ZC3H12D: variants seen among roughly 807,000 people sequenced by gnomAD.
ZC3H12D encodes the protein zinc finger CCCH-type containing 12D.
ZC3H12D carries 11 observed loss-of-function variants against 24.2 expected under a neutral mutation model. The observed-to-expected ratio is 0.46, with a 90% CI of 0.29 to 0.75. The LOEUF is 0.75. Ranked by LOEUF, ZC3H12D falls within the 30% of genes least tolerant of loss-of-function variation. The pLI is 0.11. For missense variants in ZC3H12D, 740 were observed against 767.7 expected (o/e 0.96, Z 0.43); for synonymous variants, 333 against 341.8 (o/e 0.97, Z 0.28).
rs1394828051 is a variant in ZC3H12D, at chr6:149,474,235, C to T, written c.305+4G>A. 6.8e-7 allele frequency: 1 copy of T among 1,474,260 alleles called. No individual in the cohort carries two copies. The highest frequency in any genetic ancestry group is 9.1e-7 in the Non-Finnish European group (1 of 1,103,136). The allele number at this position is 1,474,260 out of a possible 1,614,324, so 91.3% of individuals were successfully genotyped here. The stretch of plus-strand genomic sequence containing the variant: ...GCCCCAGCTACAGGATGAAGGGAAG[C>T]TACCTCATCGCCACGTTGCTGCCAT... On this transcript the variant is annotated splice_donor_region_variant and intron_variant, in intron 2 of 5. Coordinates refer to ENST00000409806, the MANE Select transcript of ZC3H12D (RefSeq NM_207360.3).
Position 149,449,925 on chromosome 6 carries a change from C to CTCTGTGTG in ZC3H12D, c.*757_*758insCACACAGA, listed in dbSNP as rs1554268600. 6.9e-6 allele frequency: 1 copy of CTCTGTGTG among 143,990 alleles called. No individual in the cohort carries two copies. The highest frequency in any genetic ancestry group is 2.6e-5 in the African/African-American group (1 of 38,244). 8.9% of individuals were successfully genotyped at this position (143,990 alleles called of 1,614,324 possible). A position where few individuals can be genotyped will look rare whatever the true frequency, so the allele number is the denominator to read the frequency against. ...TGTGAGTATGTACATGTATGATAGA[C>CTCTGTGTG]TGTGTGTGTGTGTGTGTGTGTGTGT... On this transcript the variant is annotated 3_prime_UTR_variant, in exon 6 of 6. Coordinates refer to ENST00000409806, the MANE Select transcript of ZC3H12D (RefSeq NM_207360.3).
intron 2 of ZC3H12D, among the ~76,000 whole-genome samples, chr6:149,467,904 C>T (rs1776185471): frequency 6.6e-6 from 1 of 152,218 alleles, no homozygotes; most frequent in Non-Finnish European, 1.5e-5. Flanking sequence ...TTAACCAACA[C>T]TGTGAACCAG....
intron 1 of ZC3H12D, among the ~76,000 whole-genome samples, chr6:149,480,630 G>A (rs1471604879): frequency 6.6e-6 from 1 of 152,234 alleles, no homozygotes; most frequent in Non-Finnish European, 1.5e-5. Flanking sequence ...CAGCTACTCA[G>A]GAGACTGAGG....
Position 149,450,805 on chromosome 6 carries a change from C to A in ZC3H12D, c.1462G>T (p.Val488Phe), listed in dbSNP as rs1171428359. Residue 488 changes from valine (V) to phenylalanine (F), a missense_variant, in exon 6 of 6, where the codon GTC becomes TTC. Val to Phe is a conservative substitution (Grantham distance 50, BLOSUM62 -1). Coordinates refer to ENST00000409806, the MANE Select transcript of ZC3H12D (RefSeq NM_207360.3). Reference protein sequence around the residue: ...RARARIALYSVFPRDQVDRVM... With the variant: ...RARARIALYSFFPRDQVDRVM... ...CGGTCCACCTGGTCACGCGGGAAGA[C>A]GCTGTAGAGCGCGATGCGAGCCCGG... is the stretch of plus-strand genomic sequence containing the variant. 3.2e-6 allele frequency: 5 copies of A among 1,548,422 alleles called. No homozygotes were observed. The Admixed American group carries it at 9.8e-5, about 30-fold the overall frequency.
At chr6:149,451,582 T>C (rs1380139401) in intron 5 of ZC3H12D, 103 bp from the exon 6 acceptor site, 4 of 1,043,138 alleles carry the variant, frequency 3.8e-6, no homozygotes, top group Admixed American at 3.4e-5. Flanking sequence ...GGCCTCTCCG[T>C]GGAGATTCCT....
At chr6:149,466,311 C>T (rs1330193931) in intron 2 of ZC3H12D, among the ~76,000 whole-genome samples, 1 of 151,382 alleles carries the variant, frequency 6.6e-6, no homozygotes, top group Admixed American at 6.6e-5. Flanking sequence ...AACCACAGAG[C>T]CTGAGTCGCC....
rs951264888 is a variant in ZC3H12D at position 149,447,796 on chromosome 6, T to G, written c.*2887A>C. ...AATGTGCTGTGTTTTCACTTTTTTT[T>G]TTGTACTTGTCTTATTCACAGTGAA... On this transcript the variant is annotated 3_prime_UTR_variant, in exon 6 of 6. Coordinates refer to ENST00000409806, the MANE Select transcript of ZC3H12D (RefSeq NM_207360.3). The G allele has an allele frequency of 6.6e-6, 1 of 152,252 alleles. No individual in the cohort carries two copies. The highest frequency in any genetic ancestry group is 2.4e-5 in the African/African-American group (1 of 41,460). 9.4% of individuals were successfully genotyped at this position (152,252 alleles called of 1,614,324 possible).
chr6:149,456,606 C>T lies in ZC3H12D; in HGVS notation c.680+60G>A. The T allele has an allele frequency of 7.1e-7, 1 of 1,405,940 alleles. No homozygotes were observed. 87.1% of individuals were successfully genotyped at this position (1,405,940 alleles called of 1,614,324 possible). On this transcript the variant is annotated intron_variant, in intron 4 of 5. Coordinates refer to ENST00000409806, the MANE Select transcript of ZC3H12D (RefSeq NM_207360.3). The surrounding 1 kb of genome is among the most constrained non-coding windows in gnomAD (Gnocchi z 4.3). ...ACCTGGTAGCAGGCGTGGCCACTGC[C>T]TCGACCCCGGCCCCCCGCCCCGCCG... is the stretch of plus-strand genomic sequence containing the variant.
intron 3 of ZC3H12D, among the ~76,000 whole-genome samples, chr6:149,458,113 T>TG (rs1776014022): frequency 8.2e-6 from 1 of 122,414 alleles, no homozygotes; most frequent in African/African-American, 4.5e-5. Flanking sequence ...TTCTTTTTCT[T>TG]TTTTTTTTTC....
intron 3 of ZC3H12D, among the ~76,000 whole-genome samples, chr6:149,457,292 G>A (rs1775999570): frequency 6.6e-6 from 1 of 152,192 alleles, no homozygotes; most frequent in Admixed American, 6.5e-5. Context: ...GTATTAACCC[G>A]GACCTTGATG....
At position 149,451,493 on chromosome 6, in the gene ZC3H12D, G is replaced by T; in HGVS notation, c.788-14C>A. Reference sequence around the variant, plus strand: ...TGCATTTCTTGCCTGAAAGGGGCGGGGGCAGAGAGGGCGCGACGTGAGGCC... The same window carrying T: ...TGCATTTCTTGCCTGAAAGGGGCGGTGGCAGAGAGGGCGCGACGTGAGGCC... On this transcript the variant is annotated splice_polypyrimidine_tract_variant and intron_variant, in intron 5 of 5. Coordinates refer to ENST00000409806, the MANE Select transcript of ZC3H12D (RefSeq NM_207360.3). The T allele has an allele frequency of 6.4e-7, 1 of 1,555,440 alleles. No individual in the cohort carries two copies.
intron 3 of ZC3H12D, among the ~76,000 whole-genome samples, chr6:149,460,106 C>A (rs1776048123): frequency 6.6e-6 from 1 of 152,190 alleles, no homozygotes; most frequent in Non-Finnish European, 1.5e-5. Flanking sequence ...GTGTAAAAGT[C>A]TAGCACGTAC....
chr6:149,457,019 G>A (rs1729314462), intron 3 of ZC3H12D, 119 bp from the exon 4 acceptor site: 2 of 947,448 alleles, frequency 2.1e-6, no homozygotes, highest in Non-Finnish European at 1.5e-6. Flanking sequence ...AGGGGAGCGG[G>A]GAAAAAACAC....
intron 2 of ZC3H12D, among the ~76,000 whole-genome samples, chr6:149,470,726 T>A (rs1583190469): frequency 6.6e-6 from 1 of 152,300 alleles, no homozygotes; most frequent in East Asian, 1.9e-4. Flanking sequence ...GGGACAGCTG[T>A]ACAGTCCAAT....
chr6:149,482,240 C>T lies in ZC3H12D; in HGVS notation c.-71+2573G>A, dbSNP rs116391075. On this transcript the variant is annotated intron_variant, in intron 1 of 5. Coordinates refer to ENST00000409806, the MANE Select transcript of ZC3H12D (RefSeq NM_207360.3). ...TTAAAACTTCTAAATACGGAAGAAG[C>T]GGGGACAGGAGTGGGGTGCTGCTCT... 3.4e-3 allele frequency among the ~76,000 whole-genome samples: 522 copies of T among 152,340 alleles called. 3 individuals are homozygous for T. The highest frequency in any genetic ancestry group is 0.012 in the African/African-American group (486 of 41,582).
chr6:149,480,238 G>T (rs981622330), intron 1 of ZC3H12D, among the ~76,000 whole-genome samples: 1 of 152,198 alleles, frequency 6.6e-6, no homozygotes, highest in South Asian at 2.1e-4. Context: ...TGTAAACCAC[G>T]AAGATAAGCA....
chr6:149,476,177 T>C (rs769309483), intron 1 of ZC3H12D, among the ~76,000 whole-genome samples: 4 of 152,212 alleles, frequency 2.6e-5, no homozygotes, highest in East Asian at 1.9e-4. Context: ...TGTCATCTTA[T>C]ACTTATTGCT....
At position 149,468,912 on chromosome 6, in the gene ZC3H12D, T is replaced by A. The variant is rs367950351; in HGVS notation, c.305+5327A>T. Among the ~76,000 whole-genome samples, 13 of 152,144 alleles carry A rather than the reference T, an allele frequency of 8.5e-5. 1 individual carries two copies. The highest frequency in any genetic ancestry group is 5.8e-4 in the East Asian group (3 of 5,168). ...TCTCTCTTCCTTGGAGATCCCTTAC[T>A]CCAGCACAAACCAGAGCCTGCAGAG... On this transcript the variant is annotated intron_variant, in intron 2 of 5. Transcript: ENST00000409806.
intron 1 of ZC3H12D, among the ~76,000 whole-genome samples, chr6:149,475,788 G>GA (rs1776330056): frequency 6.6e-6 from 1 of 151,980 alleles, no homozygotes; most frequent in Non-Finnish European, 1.5e-5. Context: ...TACACCGGGG[G>GA]TTGGGGGGTG....
Sources: allele counts gnomAD v4.1 joint callset (sites outside exome capture counted in the v4.1 genomes callset), GRCh38; gene constraint gnomAD v4.1.1; non-coding constraint Gnocchi (gnomAD v3.1); transcripts MANE v1.5; gene names NCBI Gene and HGNC (gene_info 2026-07-23, HGNC 2026-07-21).